Variants in CNTNAP2 observed in about 807,000 individuals in gnomAD.
The protein encoded by CNTNAP2 is contactin-associated protein-like 2.
A neutral mutation model predicts 155.2 loss-of-function variants in CNTNAP2; 98 were observed. That is an observed-to-expected ratio of 0.63 (90% CI 0.54 to 0.75). The LOEUF is 0.75. Ranked by LOEUF, CNTNAP2 falls within the 30% of genes least tolerant of loss-of-function variation. The probability of loss-of-function intolerance (pLI) is 0.00; values close to 1 mark genes in which losing one functional copy is unlikely to be tolerated. For missense variants in CNTNAP2, 1,727 were observed against 1,688.1 expected, an observed-to-expected ratio of 1.02 and a Z score of -0.40; for synonymous variants, 651 against 631.2, an observed-to-expected ratio of 1.03 and a Z score of -0.47.
chr7:148,137,142 G>A (rs1289785007), intron 16 of CNTNAP2, among the ~76,000 whole-genome samples: 1 of 152,142 alleles, frequency 6.6e-6, no homozygotes, highest in African/African-American at 2.4e-5. Context: ...CTTATCCTGG[G>A]ATACTTTCAA....
At chr7:146,707,301 A>T (rs190823999) in intron 1 of CNTNAP2, among the ~76,000 whole-genome samples, 4 of 152,244 alleles carry the variant, frequency 2.6e-5, no homozygotes. Flanking sequence ...CCTGGCCCAG[A>T]TCCTCTTCAT....
chr7:148,413,403 T>TAAATAA (rs1563079419), intron 23 of CNTNAP2, among the ~76,000 whole-genome samples: 3 of 9,166 alleles, frequency 3.3e-4, no homozygotes, highest in African/African-American at 8.5e-4. Flanking sequence ...AAAAAAAAAA[T>TAAATAA]ATATATATAT....
intron 1 of CNTNAP2, among the ~76,000 whole-genome samples, chr7:146,434,832 G>T (rs1261325028): frequency 1.3e-5 from 2 of 151,950 alleles, no homozygotes; most frequent in African/African-American, 4.8e-5. Flanking sequence ...GGAAAAAAAA[G>T]AAACTTGTGG....
intron 3 of CNTNAP2, among the ~76,000 whole-genome samples, chr7:146,988,676 T>G (rs1041437549): frequency 1.3e-5 from 2 of 152,198 alleles, no homozygotes; most frequent in African/African-American, 2.4e-5. Context: ...GATGCTGATA[T>G]GTATCTTCAG....
intron 22 of CNTNAP2, among the ~76,000 whole-genome samples, chr7:148,401,684 C>T (rs1409481668): frequency 5.9e-5 from 9 of 152,104 alleles, no homozygotes; most frequent in Non-Finnish European, 7.4e-5. Context: ...CTGCAATCTC[C>T]GCTTCCCGGG....
chr7:146,500,395 C>A (rs1797283750), intron 1 of CNTNAP2, among the ~76,000 whole-genome samples: 1 of 152,046 alleles, frequency 6.6e-6, no homozygotes, highest in Non-Finnish European at 1.5e-5. Flanking sequence ...GTTTGTATAG[C>A]AGGGAAGAAA....
intron 13 of CNTNAP2, among the ~76,000 whole-genome samples, chr7:147,884,875 A>T (rs1334712714): frequency 6.6e-6 from 1 of 151,672 alleles, no homozygotes; most frequent in Non-Finnish European, 1.5e-5. Flanking sequence ...TGGATGAATA[A>T]TGTGTGACTC....
At chr7:148,139,682 G>A (rs1805022256) in intron 16 of CNTNAP2, among the ~76,000 whole-genome samples, 1 of 152,022 alleles carries the variant, frequency 6.6e-6, no homozygotes, top group Non-Finnish European at 1.5e-5. Context: ...TGGGATTACA[G>A]GCACCCTCTA....
At chr7:146,549,290 T>C (rs999456230) in intron 1 of CNTNAP2, among the ~76,000 whole-genome samples, 1 of 152,062 alleles carries the variant, frequency 6.6e-6, no homozygotes, top group South Asian at 2.1e-4. Context: ...ATATTTTTAA[T>C]ATTTCAAGTA....
intron 3 of CNTNAP2, among the ~76,000 whole-genome samples, chr7:146,858,968 AG>A (rs896093399): frequency 6.6e-6 from 1 of 152,226 alleles, no homozygotes; most frequent in African/African-American, 2.4e-5. Flanking sequence ...TGATAATGTA[AG>A]GGTTTTACAT....
chr7:147,416,926 T>C (rs1797202936), intron 10 of CNTNAP2, among the ~76,000 whole-genome samples: 1 of 151,916 alleles, frequency 6.6e-6, no homozygotes, highest in Non-Finnish European at 1.5e-5. Flanking sequence ...CCATCTCTAC[T>C]AAAAATACAA....
intron 2 of CNTNAP2, among the ~76,000 whole-genome samples, chr7:146,790,057 GT>G (rs1425225753): frequency 6.6e-6 from 1 of 151,808 alleles, no homozygotes; most frequent in African/African-American, 2.4e-5. Flanking sequence ...TTTTGTTGTT[GT>G]TTAGTAGAAT....
intron 9 of CNTNAP2, among the ~76,000 whole-genome samples, chr7:147,302,081 G>A (rs540335881): frequency 6.6e-6 from 1 of 152,288 alleles, no homozygotes; most frequent in South Asian, 2.1e-4. Context: ...TGTCTTATGA[G>A]TGAATGAACT....
intron 1 of CNTNAP2, among the ~76,000 whole-genome samples, chr7:146,337,150 C>T (rs986712099): frequency 2.0e-5 from 3 of 152,036 alleles, no homozygotes; most frequent in African/African-American, 4.8e-5. Flanking sequence ...TGTCTTTGCA[C>T]CTTCTAGTGA....
intron 12 of CNTNAP2, among the ~76,000 whole-genome samples, chr7:147,603,604 C>T (rs1444661909): frequency 6.6e-6 from 1 of 152,162 alleles, no homozygotes; most frequent in Non-Finnish European, 1.5e-5. Flanking sequence ...ATTCCATGCT[C>T]ATGGGTAGGA....
intron 13 of CNTNAP2, among the ~76,000 whole-genome samples, chr7:147,898,468 C>T (rs1799808056): frequency 6.6e-6 from 1 of 152,194 alleles, no homozygotes; most frequent in Admixed American, 6.6e-5. Flanking sequence ...GTACACTTAA[C>T]ATCCCAAGAG....
chr7:148,165,764 C>T (rs1272630936), intron 17 of CNTNAP2, among the ~76,000 whole-genome samples: 1 of 151,980 alleles, frequency 6.6e-6, no homozygotes, highest in Non-Finnish European at 1.5e-5. Flanking sequence ...GCCTCCCATA[C>T]ATCAAATTGT....
At chr7:147,609,860 T>C (rs34024465) in intron 12 of CNTNAP2, among the ~76,000 whole-genome samples, 101,310 of 151,680 alleles carry the variant, frequency 0.67, 34,065 homozygotes, top group African/African-American at 0.72. Context: ...GAAGGTAGAG[T>C]GGATATAGTC....
chr7:148,208,281 T>C (rs1435671509), intron 18 of CNTNAP2, among the ~76,000 whole-genome samples: 1 of 152,132 alleles, frequency 6.6e-6, no homozygotes, highest in Non-Finnish European at 1.5e-5. Flanking sequence ...TTGGTCAAAC[T>C]AGAAAATTCG....
Sources: gnomAD v4.1 joint callset for allele counts (sites outside exome capture counted in the v4.1 genomes callset) on GRCh38, gnomAD v4.1.1 for gene constraint, MANE v1.5 for transcripts, NCBI Gene and HGNC (gene_info 2026-07-23, HGNC 2026-07-21) for gene names.